Variants in PPARG observed in about 807,000 individuals in gnomAD.
The protein encoded by PPARG is peroxisome proliferator activated receptor gamma.
PPARG carries 17 observed loss-of-function variants against 39.2 expected under a neutral mutation model. The ratio of observed to expected loss-of-function variants is 0.43; its 90% confidence interval spans 0.30 to 0.65. PPARG has a LOEUF of 0.65. Among genes scored for constraint, PPARG ranks in the 30% least tolerant of loss-of-function variants. The pLI, the probability that PPARG is intolerant of heterozygous loss-of-function variation, is 0.13. For synonymous variants in PPARG, 223 were observed against 215.7 expected, an observed-to-expected ratio of 1.03 and a Z score of -0.30; for missense variants, 406 against 585.9, an observed-to-expected ratio of 0.69 and a Z score of 3.17.
intron 1 of PPARG, among the ~76,000 whole-genome samples, chr3:12,290,607 A>C (rs745351073): frequency 7.4e-4 from 112 of 152,146 alleles, no homozygotes; most frequent in Non-Finnish European, 1.4e-3. Flanking sequence ...AAAAGGTGTG[A>C]CATGAGGAAT....
At chr3:12,321,893 T>C (rs929028834) in intron 2 of PPARG, among the ~76,000 whole-genome samples, 8 of 152,244 alleles carry the variant, frequency 5.3e-5, no homozygotes, top group African/African-American at 1.7e-4. Context: ...ATACAATTCC[T>C]ACCAAATATT....
At chr3:12,318,274 A>C (rs989219792) in intron 2 of PPARG, among the ~76,000 whole-genome samples, 27 of 152,180 alleles carry the variant, frequency 1.8e-4, no homozygotes, top group African/African-American at 6.5e-4. Flanking sequence ...ATAGCAAAGA[A>C]GTTACAGATT....
intron 1 of PPARG, chr3:12,301,456 C>T (rs1439346807): frequency 6.6e-6 from 1 of 152,204 alleles, no homozygotes. Context: ...AGTTGCTCAG[C>T]TAGTTCATAT....
At chr3:12,400,091 A>G (rs2050420322) in intron 5 of PPARG, among the ~76,000 whole-genome samples, 2 of 152,214 alleles carry the variant, frequency 1.3e-5, no homozygotes, top group Non-Finnish European at 2.9e-5. Context: ...AAAATTGACC[A>G]TAAGACATAG....
intron 2 of PPARG, among the ~76,000 whole-genome samples, chr3:12,346,793 C>G (rs2048340277): frequency 6.6e-6 from 1 of 151,784 alleles, no homozygotes; most frequent in Non-Finnish European, 1.5e-5. Context: ...TGCCACCATG[C>G]CTGGCCAATT....
intron 1 of PPARG, among the ~76,000 whole-genome samples, chr3:12,309,215 A>G (rs767375336): frequency 1.3e-5 from 2 of 152,218 alleles, no homozygotes; most frequent in Non-Finnish European, 2.9e-5. Flanking sequence ...GTTTGAGATT[A>G]ATATTCTTGT....
intron 2 of PPARG, among the ~76,000 whole-genome samples, chr3:12,327,242 G>A (rs540120338): frequency 5.3e-5 from 8 of 152,210 alleles, no homozygotes; most frequent in African/African-American, 1.9e-4. Flanking sequence ...TTGCCTCACC[G>A]CAGGCAGCGT....
chr3:12,305,506 G>A (rs1432862509), intron 1 of PPARG, among the ~76,000 whole-genome samples: 1 of 152,058 alleles, frequency 6.6e-6, no homozygotes, highest in Admixed American at 6.6e-5. Context: ...TAACAACCTT[G>A]GTTTCTGTCC....
chr3:12,321,420 GC>G (rs372386029), intron 2 of PPARG, among the ~76,000 whole-genome samples: 3 of 152,268 alleles, frequency 2.0e-5, no homozygotes, highest in Non-Finnish European at 2.9e-5. Context: ...ATACACTTCT[GC>G]CCCCAGGTGC....
intron 2 of PPARG, among the ~76,000 whole-genome samples, chr3:12,331,795 A>G (rs1338610213): frequency 6.6e-6 from 1 of 152,194 alleles, no homozygotes; most frequent in Non-Finnish European, 1.5e-5. Context: ...GTTTTTGGCA[A>G]TGATCAGCTG....
intron 1 of PPARG, among the ~76,000 whole-genome samples, chr3:12,296,112 C>G (rs1055324005): frequency 6.6e-6 from 1 of 151,674 alleles, no homozygotes; most frequent in Non-Finnish European, 1.5e-5. Context: ...ATTAACTGGG[C>G]GTGGTGGCAC....
chr3:12,329,179 A>C (rs2047780638), intron 2 of PPARG, among the ~76,000 whole-genome samples: 1 of 152,170 alleles, frequency 6.6e-6, no homozygotes. Flanking sequence ...AAAAAAAAAA[A>C]AAAACCTACT....
intron 7 of PPARG, among the ~76,000 whole-genome samples, chr3:12,425,484 C>T (rs2051407940): frequency 6.6e-6 from 1 of 152,142 alleles, no homozygotes; most frequent in Non-Finnish European, 1.5e-5. Context: ...TTGGTATTCC[C>T]TTATCTCTTC....
intron 2 of PPARG, among the ~76,000 whole-genome samples, chr3:12,358,047 A>G (rs2048722606): frequency 6.6e-6 from 1 of 152,240 alleles, no homozygotes; most frequent in South Asian, 2.1e-4. Context: ...GCTAATATAA[A>G]CAAACCAAGT....
intron 4 of PPARG, 122 bp from the exon 5 acceptor site, chr3:12,392,492 T>A: frequency 1.8e-6 from 2 of 1,088,158 alleles, no homozygotes; most frequent in Non-Finnish European, 2.8e-6. Flanking sequence ...AAGTCACCAG[T>A]GACAGAATCG....
chr3:12,408,855 G>A (rs709149), intron 6 of PPARG, among the ~76,000 whole-genome samples: 46,353 of 151,846 alleles, frequency 0.31, 7,866 homozygotes, highest in East Asian at 0.43. Context: ...AAAAAGCCTC[G>A]GTGGTCAAGA....
In PPARG at chr3:12,406,096, G is replaced by A. The variant is rs765000048; in HGVS notation, c.729+15G>A. On this transcript the variant is annotated intron_variant, in intron 6 of 7. Transcript: ENST00000651735. ...CAGACAAATCAGTTAGTTCTCTTCT[G>A]CTGTCTTCATTGGGGGAGGCGGGAA... The A allele has an allele frequency of 1.9e-6, 3 of 1,613,108 alleles. No individual in the cohort carries two copies. The highest frequency in any genetic ancestry group is 3.3e-5 in the Admixed American group (2 of 59,868).
intron 5 of PPARG, among the ~76,000 whole-genome samples, chr3:12,401,698 T>A (rs1057389607): frequency 2.0e-5 from 3 of 152,158 alleles, no homozygotes; most frequent in Non-Finnish European, 4.4e-5. Context: ...GGGAATTTAG[T>A]CTCACCAAAT....
chr3:12,374,992 T>G (rs1319854691), intron 2 of PPARG, among the ~76,000 whole-genome samples: 3 of 152,246 alleles, frequency 2.0e-5, no homozygotes. Flanking sequence ...GAACTTTTCC[T>G]TCTTTCCTTA....
Sources: gnomAD v4.1 joint callset for allele counts (sites outside exome capture counted in the v4.1 genomes callset) on GRCh38, gnomAD v4.1.1 for gene constraint, MANE v1.5 for transcripts, NCBI Gene and HGNC (gene_info 2026-07-23, HGNC 2026-07-21) for gene names.